The following RASEF variants were observed in gnomAD, a reference collection of about 807,000 sequenced individuals.
RASEF encodes RAS and EF-hand domain containing, also known as ras and EF-hand domain-containing protein.
A neutral mutation model predicts 90.1 loss-of-function variants in RASEF; 68 were observed. The observed-to-expected ratio is 0.75, with a 90% CI of 0.62 to 0.92. The LOEUF (loss-of-function observed/expected upper bound fraction) is 0.92. RASEF is among the 40% of genes least tolerant of loss of function. RASEF has a pLI of 0.00. For missense variants in RASEF, 949 were observed against 937.2 expected (o/e 1.01, Z -0.16); for synonymous variants, 331 against 345.2 (o/e 0.96, Z 0.46).
At chr9:83,192,375 G>A in the RASEF span, among the ~76,000 whole-genome samples, 892 of 152,244 alleles carry the variant, frequency 5.9e-3, 10 homozygotes, top group East Asian at 0.035. Flanking sequence ...CTATGTAGCC[G>A]TAAAAAGGAA....
At chr9:83,058,447 G>A (rs918329496) in intron 1 of RASEF, among the ~76,000 whole-genome samples, 1 of 147,922 alleles carries the variant, frequency 6.8e-6, no homozygotes, top group Non-Finnish European at 1.5e-5. Context: ...CTCCCAAAGT[G>A]CTGGGATTAC....
the RASEF span, among the ~76,000 whole-genome samples, chr9:83,139,348 C>T: frequency 6.6e-6 from 1 of 152,142 alleles, no homozygotes; most frequent in African/African-American, 2.4e-5. Flanking sequence ...AGCATAGTCA[C>T]AAATCCACAT....
the RASEF span, among the ~76,000 whole-genome samples, chr9:83,167,478 T>A: frequency 6.6e-6 from 1 of 152,224 alleles, no homozygotes; most frequent in East Asian, 1.9e-4. Context: ...AGAGGTTGAC[T>A]CTAAGCCTTC....
the RASEF span, among the ~76,000 whole-genome samples, chr9:83,120,292 CTCTCTT>C: frequency 6.6e-6 from 1 of 152,158 alleles, no homozygotes; most frequent in African/African-American, 2.4e-5. Flanking sequence ...TGGTTTTTCT[CTCTCTT>C]TCTAAAAATG....
chr9:83,045,725 T>C (rs2118659881), intron 1 of RASEF, among the ~76,000 whole-genome samples: 1 of 152,344 alleles, frequency 6.6e-6, no homozygotes, highest in South Asian at 2.1e-4. Context: ...TGCAGGTACC[T>C]GCACCATCAG....
At chr9:83,185,619 C>T in the RASEF span, among the ~76,000 whole-genome samples, 1 of 152,086 alleles carries the variant, frequency 6.6e-6, no homozygotes, top group African/African-American at 2.4e-5. Flanking sequence ...AACAACAAAA[C>T]ACACATGAAT....
chr9:83,124,337 T>C, the RASEF span, among the ~76,000 whole-genome samples: 1 of 152,232 alleles, frequency 6.6e-6, no homozygotes, highest in African/African-American at 2.4e-5. Flanking sequence ...CTGGATCATA[T>C]GGTAATTCTG....
intron 1 of RASEF, chr9:83,054,803 C>T (rs928239802): frequency 5.3e-5 from 8 of 150,160 alleles, no homozygotes; most frequent in South Asian, 2.1e-4. Flanking sequence ...AATACCCTGC[C>T]GTGTGAGGTG....
the RASEF span, among the ~76,000 whole-genome samples, chr9:83,180,981 T>A: frequency 2.6e-5 from 4 of 151,800 alleles, no homozygotes; most frequent in Admixed American, 1.3e-4. Flanking sequence ...CACATTCAAG[T>A]GATATTTTGG....
At chr9:83,194,916 C>T in the RASEF span, among the ~76,000 whole-genome samples, 2 of 152,184 alleles carry the variant, frequency 1.3e-5, no homozygotes, top group Non-Finnish European at 2.9e-5. Context: ...GGTTATAGGT[C>T]ATTTCGCATA....
chr9:83,196,476 AC>A, the RASEF span, among the ~76,000 whole-genome samples: 1 of 152,134 alleles, frequency 6.6e-6, no homozygotes, highest in Non-Finnish European at 1.5e-5. Flanking sequence ...AGCCTTGTAC[AC>A]CCCAAGTGGG....
At chr9:83,042,753 C>G (rs905093647) in intron 1 of RASEF, among the ~76,000 whole-genome samples, 3 of 151,896 alleles carry the variant, frequency 2.0e-5, no homozygotes, top group Non-Finnish European at 4.4e-5. Context: ...AAAAGAAAAA[C>G]AGCCTCTGAG....
chr9:83,060,298 C>T (rs948657060), intron 1 of RASEF, among the ~76,000 whole-genome samples: 3 of 152,174 alleles, frequency 2.0e-5, no homozygotes, highest in Non-Finnish European at 4.4e-5. Flanking sequence ...AACTTAATCA[C>T]TTTTTAAAGA....
chr9:83,190,155 A>G, the RASEF span, among the ~76,000 whole-genome samples: 1 of 152,200 alleles, frequency 6.6e-6, no homozygotes, highest in African/African-American at 2.4e-5. Context: ...CAATACTGTA[A>G]TTAGCGACAC....
the RASEF span, among the ~76,000 whole-genome samples, chr9:83,189,523 G>A: frequency 7.1e-4 from 108 of 152,160 alleles, no homozygotes; most frequent in African/African-American, 9.2e-4. Context: ...CACAGAACTG[G>A]GTCTCCACTG....
At chr9:83,150,638 T>C in the RASEF span, among the ~76,000 whole-genome samples, 3 of 152,214 alleles carry the variant, frequency 2.0e-5, no homozygotes, top group African/African-American at 7.2e-5. Context: ...TTAACTTTAG[T>C]AAATCACTTC....
intron 9 of RASEF, among the ~76,000 whole-genome samples, chr9:83,003,562 C>A (rs1352754031): frequency 1.3e-5 from 2 of 152,128 alleles, no homozygotes; most frequent in Non-Finnish European, 2.9e-5. Context: ...GAATAGTCAG[C>A]CATCTATAAA....
chr9:83,186,320 T>C, the RASEF span, among the ~76,000 whole-genome samples: 1 of 152,128 alleles, frequency 6.6e-6, no homozygotes, highest in African/African-American at 2.4e-5. Flanking sequence ...CATCACCCAG[T>C]CCCTTGTTAG....
At chr9:83,134,300 A>G in the RASEF span, among the ~76,000 whole-genome samples, 1 of 151,946 alleles carries the variant, frequency 6.6e-6, no homozygotes, top group Non-Finnish European at 1.5e-5. Flanking sequence ...AATCCTGTGA[A>G]GAACACTTAG....
Sources: allele counts gnomAD v4.1 joint callset (sites outside exome capture counted in the v4.1 genomes callset), GRCh38; gene constraint gnomAD v4.1.1; transcripts MANE v1.5; gene names NCBI Gene and HGNC (gene_info 2026-07-23, HGNC 2026-07-21).